SPEF2: variants seen among roughly 807,000 people sequenced by gnomAD.
SPEF2 encodes sperm flagellar and cilia associated 2, also known as sperm flagella and cilia-associated protein 2.
A neutral mutation model predicts 224.6 loss-of-function variants in SPEF2; 187 were observed. The observed-to-expected ratio is 0.83, with a 90% CI of 0.74 to 0.94. The LOEUF (loss-of-function observed/expected upper bound fraction) is 0.94. SPEF2 is among the 40% of genes least tolerant of loss of function. The pLI is 0.00. For missense variants in SPEF2, 2,170 were observed against 2,135.6 expected, an observed-to-expected ratio of 1.02 and a Z score of -0.32; for synonymous variants, 715 against 707.3, an observed-to-expected ratio of 1.01 and a Z score of -0.17.
intron 21 of SPEF2, among the ~76,000 whole-genome samples, chr5:35,729,940 G>A (rs1745354656): frequency 6.6e-6 from 1 of 152,160 alleles, no homozygotes; most frequent in Non-Finnish European, 1.5e-5. Context: ...ATGTGGAACT[G>A]TAAGTCCAAT....
intron 25 of SPEF2, 31 bp downstream of exon 25, chr5:35,759,750 T>G (rs374001838): frequency 2.0e-6 from 3 of 1,479,930 alleles, no homozygotes; most frequent in Non-Finnish European, 2.7e-6. Flanking sequence ...ACACTGTAAT[T>G]GTTTTGAACA....
chr5:35,709,147 C>A, intron 19 of SPEF2, 26 bp downstream of exon 19: 1 of 1,599,836 alleles, frequency 6.3e-7, no homozygotes, highest in Non-Finnish European at 8.5e-7. Context: ...ATTTATAATC[C>A]TGTTTTCAGT....
chr5:35,716,412 A>G (rs1292740972), intron 20 of SPEF2, among the ~76,000 whole-genome samples: 1 of 152,116 alleles, frequency 6.6e-6, no homozygotes, highest in Non-Finnish European at 1.5e-5. Flanking sequence ...AACCATCGAA[A>G]ATAGAAATTA....
At chr5:35,654,448 T>A in intron 6 of SPEF2, 92 bp from the exon 7 acceptor site, 2 of 1,013,392 alleles carry the variant, frequency 2.0e-6, no homozygotes, top group Non-Finnish European at 2.8e-6. Flanking sequence ...ACTCAAGGGA[T>A]CCTTCTCCTG....
In SPEF2 at chr5:35,664,547, G is replaced by C. The variant is rs186001181; in HGVS notation, c.1168-2525G>C. On this transcript the variant is annotated intron_variant, in intron 8 of 36. Transcript: ENST00000356031. ...ATACAAAAATTAGCCAGGTGTGATGGTGTGCACCTGTAGTCCCAGCTACTT... is the reference window on the plus strand; with the variant it reads ...ATACAAAAATTAGCCAGGTGTGATGCTGTGCACCTGTAGTCCCAGCTACTT... Among the ~76,000 whole-genome samples, 38 of 152,204 alleles carry C rather than the reference G, an allele frequency of 2.5e-4. No homozygotes were observed. In the East Asian group the frequency reaches 6.8e-3, roughly 27 times the overall value.
At chr5:35,807,663 A>G (rs1561396858) in intron 36 of SPEF2, 1 of 1,536,074 alleles carries the variant, frequency 6.5e-7, no homozygotes, top group South Asian at 1.2e-5. Flanking sequence ...TGTAGTGGAA[A>G]TGATAGTGTG....
chr5:35,654,664 C>T lies in SPEF2; in HGVS notation c.916C>T (p.Gln306Ter). The change falls in exon 7 of 37, where the codon CAA (glutamine) becomes TAA (stop). Residue 306 changes from glutamine (Q) to a stop codon, truncating the protein, a stop_gained. Transcript: ENST00000356031. LOFTEE classifies it high-confidence loss of function. ...TGAAGAAGATGCTTTTGCACGAGAG[C>T]AAAGGGAGAAAAGACGGCGGAAATT... ...RLEEDAFAREQREKRRRKLLM... is the reference protein window; with the variant it reads ...RLEEDAFARE 2 of 1,613,296 alleles carry T rather than the reference C, an allele frequency of 1.2e-6. No individual in the cohort carries two copies. The highest frequency in any genetic ancestry group is 2.2e-5 in the South Asian group (2 of 90,912).
chr5:35,733,588 A>T (rs561915652), intron 21 of SPEF2, among the ~76,000 whole-genome samples: 2 of 152,340 alleles, frequency 1.3e-5, no homozygotes, highest in Non-Finnish European at 2.9e-5. Flanking sequence ...CATCAGGAGC[A>T]GAAGGTTTAA....
chr5:35,811,737 G>A (rs1018068143), intron 36 of SPEF2, among the ~76,000 whole-genome samples: 3 of 149,916 alleles, frequency 2.0e-5, no homozygotes, highest in African/African-American at 7.4e-5. Flanking sequence ...TATTAGGTTC[G>A]TGCAAAAGTA....
intron 36 of SPEF2, among the ~76,000 whole-genome samples, chr5:35,808,411 C>T (rs948006747): frequency 3.9e-5 from 6 of 152,030 alleles, no homozygotes; most frequent in African/African-American, 1.4e-4. Flanking sequence ...TCCCCCACCC[C>T]ATGACAGGCC....
At chr5:35,736,478 TG>T (rs1238328043) in intron 21 of SPEF2, among the ~76,000 whole-genome samples, 2 of 151,928 alleles carry the variant, frequency 1.3e-5, no homozygotes, top group Non-Finnish European at 2.9e-5. Context: ...AGTGTGTGTG[TG>T]TGTGTGTGTG....
chr5:35,776,581 C>T (rs1194901439), intron 29 of SPEF2, among the ~76,000 whole-genome samples, 186 bp downstream of exon 29: 1 of 152,102 alleles, frequency 6.6e-6, no homozygotes. Flanking sequence ...TCTTTTCTAA[C>T]AGTAAATCAT....
intron 19 of SPEF2, chr5:35,709,926 T>C: frequency 2.0e-6 from 2 of 985,150 alleles, no homozygotes; most frequent in Admixed American, 6.1e-5. Context: ...TCTTTGATAC[T>C]GTGTCATGAC....
chr5:35,739,389 G>A (rs1157961058), intron 21 of SPEF2, among the ~76,000 whole-genome samples: 1 of 152,098 alleles, frequency 6.6e-6, no homozygotes, highest in African/African-American at 2.4e-5. Flanking sequence ...GGAATAAACA[G>A]TTATTTTTTT....
At chr5:35,655,425 GT>G (rs1748836757) in intron 7 of SPEF2, among the ~76,000 whole-genome samples, 1 of 152,200 alleles carries the variant, frequency 6.6e-6, no homozygotes, top group South Asian at 2.1e-4. Context: ...CAAGACACCT[GT>G]CTCCCAGAGC....
intron 24 of SPEF2, among the ~76,000 whole-genome samples, chr5:35,757,049 TACTATTAAAAATATTGTTTTTAATA>T (rs71600985): frequency 4.1e-4 from 61 of 148,918 alleles, no homozygotes; most frequent in Admixed American, 1.1e-3. Flanking sequence ...AAATCTTGTT[TACTATTAAAAATATTGTTTTTAATA>T]ACTATTAAAA....
chr5:35,787,070 G>A (rs923925610), intron 30 of SPEF2, among the ~76,000 whole-genome samples: 5 of 152,102 alleles, frequency 3.3e-5, no homozygotes, highest in African/African-American at 1.2e-4. Flanking sequence ...GGGAGAAACT[G>A]GTATTTGAGG....
At chr5:35,622,279 G>A (rs1338184327) in intron 1 of SPEF2, among the ~76,000 whole-genome samples, 2 of 152,032 alleles carry the variant, frequency 1.3e-5, no homozygotes, top group Non-Finnish European at 2.9e-5. Flanking sequence ...ATCCTCTCAT[G>A]CATTAATGAC....
At chr5:35,666,115 T>C (rs1750430542) in intron 8 of SPEF2, among the ~76,000 whole-genome samples, 1 of 152,152 alleles carries the variant, frequency 6.6e-6, no homozygotes, top group Non-Finnish European at 1.5e-5. Flanking sequence ...GTCTCACAGC[T>C]AGAAATTGAA....
Sources: allele counts gnomAD v4.1 joint callset (sites outside exome capture counted in the v4.1 genomes callset), GRCh38; gene constraint gnomAD v4.1.1; transcripts MANE v1.5; gene names NCBI Gene and HGNC (gene_info 2026-07-23, HGNC 2026-07-21).